Variants in RMP64 observed in about 807,000 individuals in gnomAD.
RMP64 encodes the protein ribonuclease MRP subunit p64, also known as nucleolus and neural progenitor protein.
the RMP64 span, chr3:113,008,294 G>T: frequency 1.2e-6 from 2 of 1,614,156 alleles, no homozygotes; most frequent in African/African-American, 1.3e-5. Flanking sequence ...GATTTCTTCA[G>T]AAAGTTGTGT....
At chr3:113,009,412 C>G in the RMP64 span, 25 of 152,170 alleles carry the variant, frequency 1.6e-4, no homozygotes, top group African/African-American at 6.0e-4. Context: ...TAAAGCTAAG[C>G]AAGTTAGTGC....
At chr3:113,006,930 A>T in the RMP64 span, among the ~76,000 whole-genome samples, 1 of 152,330 alleles carries the variant, frequency 6.6e-6, no homozygotes, top group East Asian at 1.9e-4. Context: ...ATGGACATTA[A>T]ATAAATTATA....
the RMP64 span, among the ~76,000 whole-genome samples, chr3:113,018,609 G>A: frequency 1.3e-5 from 2 of 152,128 alleles, no homozygotes; most frequent in South Asian, 4.1e-4. Context: ...TGAAAAGAGG[G>A]ATGAGGAAAG....
At chr3:113,017,623 A>C in the RMP64 span, 1 of 1,602,006 alleles carries the variant, frequency 6.2e-7, no homozygotes, top group Non-Finnish European at 8.6e-7. Flanking sequence ...GACATCTAAT[A>C]AGATTTAGTA....
At chr3:113,010,967 ATGAC>A in the RMP64 span, 11 of 1,311,272 alleles carry the variant, frequency 8.4e-6, no homozygotes, top group African/African-American at 1.5e-5. Context: ...TATGCAATGC[ATGAC>A]TATTACTTTC....
chr3:113,017,625 G>C, the RMP64 span: 2 of 1,598,942 alleles, frequency 1.3e-6, no homozygotes, highest in African/African-American at 2.7e-5. Context: ...CATCTAATAA[G>C]ATTTAGTATG....
At chr3:113,016,741 A>G in the RMP64 span, among the ~76,000 whole-genome samples, 7 of 152,356 alleles carry the variant, frequency 4.6e-5, no homozygotes, top group African/African-American at 1.7e-4. Context: ...CTCTATACAC[A>G]GCACTAAGCA....
At chr3:113,009,553 C>A in the RMP64 span, 2 of 152,156 alleles carry the variant, frequency 1.3e-5, no homozygotes, top group African/African-American at 4.8e-5. Flanking sequence ...CACCATAGTT[C>A]TTGAGATACA....
chr3:113,017,747 AG>A, the RMP64 span: 7 of 664,820 alleles, frequency 1.1e-5, no homozygotes, highest in South Asian at 1.7e-4. Flanking sequence ...TAAGAACGTA[AG>A]GATTCTAAGT....
chr3:113,003,920 G>A, the RMP64 span: 1 of 152,160 alleles, frequency 6.6e-6, no homozygotes, highest in Non-Finnish European at 1.5e-5. Context: ...CTACTTAGGG[G>A]ACTGGGTGCA....
the RMP64 span, among the ~76,000 whole-genome samples, chr3:113,017,164 A>G: frequency 6.6e-6 from 1 of 152,168 alleles, no homozygotes; most frequent in Non-Finnish European, 1.5e-5. Flanking sequence ...CACTGTTGTT[A>G]TAGATTGTAT....
At chr3:113,015,573 A>G in the RMP64 span, among the ~76,000 whole-genome samples, 3 of 152,342 alleles carry the variant, frequency 2.0e-5, no homozygotes, top group South Asian at 2.1e-4. Context: ...TGTACTCCAC[A>G]GAACAGGAAT....
chr3:113,012,490 GA>G, the RMP64 span: 10 of 333,602 alleles, frequency 3.0e-5, no homozygotes, highest in Non-Finnish European at 3.8e-5. Flanking sequence ...AGTCACTCCC[GA>G]TTTTTTTAGT....
chr3:113,018,102 A>G, the RMP64 span, among the ~76,000 whole-genome samples: 1 of 152,232 alleles, frequency 6.6e-6, no homozygotes, highest in Non-Finnish European at 1.5e-5. Context: ...CATATTCAGA[A>G]AAGAAAAACC....
At chr3:113,006,270 C>T in the RMP64 span, among the ~76,000 whole-genome samples, 11 of 152,242 alleles carry the variant, frequency 7.2e-5, no homozygotes, top group African/African-American at 2.6e-4. Flanking sequence ...AGCTGAATGG[C>T]GAGATACCCT....
chr3:113,017,601 G>C, the RMP64 span: 1 of 1,613,538 alleles, frequency 6.2e-7, no homozygotes. Context: ...CAATGCAAAG[G>C]TCTGAAGCAG....
chr3:113,017,759 A>G, the RMP64 span, among the ~76,000 whole-genome samples: 1 of 152,250 alleles, frequency 6.6e-6, no homozygotes, highest in Non-Finnish European at 1.5e-5. Context: ...GATTCTAAGT[A>G]TAAGAGAAGT....
At chr3:113,010,997 A>C in the RMP64 span, 1 of 1,500,522 alleles carries the variant, frequency 6.7e-7, no homozygotes, top group Non-Finnish European at 8.9e-7. Flanking sequence ...GTTTCTTTTT[A>C]TTTGTTTTTT....
chr3:113,017,991 T>TC, the RMP64 span, among the ~76,000 whole-genome samples: 1 of 152,154 alleles, frequency 6.6e-6, no homozygotes, highest in African/African-American at 2.4e-5. Flanking sequence ...ACTCTCTAAC[T>TC]CCCCATGTCG....
Sources: gnomAD v4.1 joint callset for allele counts (sites outside exome capture counted in the v4.1 genomes callset) on GRCh38, gnomAD v4.1.1 for gene constraint, MANE v1.5 for transcripts, NCBI Gene and HGNC (gene_info 2026-07-23, HGNC 2026-07-21) for gene names.